The following UNC13C variants were observed in gnomAD, a reference collection of about 807,000 sequenced individuals.
The protein encoded by UNC13C is unc-13 homolog C, also known as protein unc-13 homolog C.
A neutral mutation model predicts 245.4 loss-of-function variants in UNC13C; 174 were observed. The observed-to-expected ratio is 0.71, with a 90% CI of 0.63 to 0.80. The LOEUF (loss-of-function observed/expected upper bound fraction) is 0.80, where lower values mean the gene tolerates loss of function less well. UNC13C is among the 30% of genes least tolerant of loss of function. The pLI is 0.00. For missense variants in UNC13C, 2,829 were observed against 2,602.9 expected (o/e 1.09, Z -1.89); for synonymous variants, 992 against 895.1 (o/e 1.11, Z -1.93).
At chr15:54,568,643 A>G (rs1014437761) in intron 30 of UNC13C, among the ~76,000 whole-genome samples, 20 of 152,190 alleles carry the variant, frequency 1.3e-4, no homozygotes, top group Non-Finnish European at 2.6e-4. Flanking sequence ...AAATGTCAGT[A>G]CGAGTCAAAA....
chr15:53,900,769 G>A, the UNC13C span, among the ~76,000 whole-genome samples: 3 of 152,160 alleles, frequency 2.0e-5, no homozygotes, highest in African/African-American at 7.2e-5. Flanking sequence ...CAACAGATCT[G>A]GGTCCCAAAT....
At chr15:54,568,957 G>A (rs560758418) in intron 30 of UNC13C, among the ~76,000 whole-genome samples, 95 of 152,120 alleles carry the variant, frequency 6.2e-4, no homozygotes, top group African/African-American at 2.0e-3. Flanking sequence ...TATATCCCAG[G>A]TTATACTGTG....
chr15:54,050,814 A>C, intron 2 of UNC13C: 1 of 589,032 alleles, frequency 1.7e-6, no homozygotes, highest in Non-Finnish European at 3.3e-6. Context: ...GCAGTAGTCC[A>C]GCCTACACAG....
chr15:54,094,987 C>T (rs956500827), intron 2 of UNC13C, among the ~76,000 whole-genome samples: 4 of 152,138 alleles, frequency 2.6e-5, no homozygotes, highest in Non-Finnish European at 5.9e-5. Context: ...GTATCCAAAC[C>T]CATTCTGGTG....
Position 54,307,507 on chromosome 15 carries a change from G to A in UNC13C, c.4268+7134G>A, listed in dbSNP as rs192035732. Reference sequence around the variant, plus strand: ...GTTCAGACCACAGCACAAGGCAATGGGGAAATAGCAGTAAAAGATAGCTCT... The same window carrying A: ...GTTCAGACCACAGCACAAGGCAATGAGGAAATAGCAGTAAAAGATAGCTCT... On this transcript the variant is annotated intron_variant, in intron 13 of 32. Coordinates refer to ENST00000260323, the MANE Select transcript of UNC13C (RefSeq NM_001080534.3). 4.8e-4 allele frequency among the ~76,000 whole-genome samples: 73 copies of A among 151,992 alleles called. 1 individual carries two copies. Among genetic ancestry groups the A allele is most frequent in the African/African-American group, 1.7e-3 (70 of 41,484 alleles).
chr15:53,940,447 G>A, the UNC13C span, among the ~76,000 whole-genome samples: 1 of 152,030 alleles, frequency 6.6e-6, no homozygotes, highest in African/African-American at 2.4e-5. Context: ...ATACAACATA[G>A]TATAGGATGT....
At position 54,627,041 on chromosome 15, in the gene UNC13C, G is replaced by T; in HGVS notation, c.6573G>T (p.Arg2191Ser). The change falls in exon 33 of 33, where the codon AGG (arginine) becomes AGT (serine). Residue 2191 changes from arginine to serine, a missense_variant. Arg to Ser is a moderately radical substitution (Grantham distance 110). Coordinates refer to ENST00000260323, the MANE Select transcript of UNC13C (RefSeq NM_001080534.3). ...CTATCCTTAGAATACTCTCTCAGAG[G>T]ACCAGTGATGATGTGGCTAAAGAAT... ...GLTILRILSQRTSDDVAKEFV... is the reference protein window; with the variant it reads ...GLTILRILSQSTSDDVAKEFV... 1 of 1,613,248 alleles carries T rather than the reference G, an allele frequency of 6.2e-7. No individual in the cohort carries two copies.
At chr15:54,177,395 T>A (rs1373858535) in intron 4 of UNC13C, among the ~76,000 whole-genome samples, 4 of 152,134 alleles carry the variant, frequency 2.6e-5, no homozygotes, top group Non-Finnish European at 5.9e-5. Context: ...TAAGGCAATT[T>A]GCATACTCTG....
In UNC13C at chr15:54,296,388, T is replaced by A. The variant is rs547014522; in HGVS notation, c.3989-1423T>A. ...GCTAATTTTTTTTTTTTTTTATTTTTTTTTATTTTTTAGTGGAGACGGGGT... is the reference window on the plus strand; with the variant it reads ...GCTAATTTTTTTTTTTTTTTATTTTATTTTATTTTTTAGTGGAGACGGGGT... On this transcript the variant is annotated intron_variant, in intron 11 of 32. Transcript: ENST00000260323. 1.5e-3 allele frequency among the ~76,000 whole-genome samples: 204 copies of A among 140,054 alleles called. 2 individuals carry two copies. The highest frequency in any genetic ancestry group is 4.4e-3 in the South Asian group (19 of 4,292). 91.9% of individuals were successfully genotyped at this position (140,054 alleles called of 152,430 possible). A position where few individuals can be genotyped will look rare whatever the true frequency, so the allele number is the denominator to read the frequency against.
chr15:53,932,762 A>G, the UNC13C span, among the ~76,000 whole-genome samples: 1 of 152,086 alleles, frequency 6.6e-6, no homozygotes, highest in Non-Finnish European at 1.5e-5. Flanking sequence ...CATTTGTATG[A>G]GCTTTTGATT....
rs187840971 is a variant in UNC13C at position 54,090,837 on chromosome 15, G to A, written c.2984-52181G>A. 2.3e-3 allele frequency among the ~76,000 whole-genome samples: 351 copies of A among 152,232 alleles called. 1 individual carries two copies. Among genetic ancestry groups the A allele is most frequent in the Non-Finnish European group, 3.6e-3 (248 of 67,996 alleles). Reference sequence around the variant, plus strand: ...GACTTTGGCAGGTGCATCAGTTCTGGGAAGCATTAATGTGGCTCTGTCCCT... The same window carrying A: ...GACTTTGGCAGGTGCATCAGTTCTGAGAAGCATTAATGTGGCTCTGTCCCT... On this transcript the variant is annotated intron_variant, in intron 2 of 32. Transcript: ENST00000260323.
chr15:54,604,161 G>A lies in UNC13C; in HGVS notation c.6107-18166G>A, dbSNP rs116314879. ...TCTTCACCCTACAGTGGACTGGTTG[G>A]TTTCTGTTGTCATCCATGTCCTAGC... On this transcript the variant is annotated intron_variant, in intron 30 of 32. Transcript: ENST00000260323. Among the ~76,000 whole-genome samples the A allele has an allele frequency of 7.6e-3, 1,160 of 152,126 alleles. 17 individuals are homozygous for A. Among genetic ancestry groups the A allele is most frequent in the African/African-American group, 0.027 (1,126 of 41,514 alleles).
intron 8 of UNC13C, among the ~76,000 whole-genome samples, chr15:54,259,760 T>C (rs1359708607): frequency 6.6e-6 from 1 of 152,248 alleles, no homozygotes; most frequent in Non-Finnish European, 1.5e-5. Context: ...ATGCTGACTA[T>C]GTAAGTGCAC....
the UNC13C span, among the ~76,000 whole-genome samples, chr15:53,857,900 A>G: frequency 6.6e-6 from 1 of 152,248 alleles, no homozygotes; most frequent in Non-Finnish European, 1.5e-5. Flanking sequence ...TTATTTAACA[A>G]TAATGAATGC....
At chr15:54,460,838 C>G (rs537329431) in intron 19 of UNC13C, among the ~76,000 whole-genome samples, 1 of 152,260 alleles carries the variant, frequency 6.6e-6, no homozygotes, top group African/African-American at 2.4e-5. Flanking sequence ...GGGAGCTGCA[C>G]GTTAGTCCTG....
rs568301865 is a variant in UNC13C, at chr15:54,511,364, C to T, written c.5380-389C>T. ...TAAAATGTTTTTGCATTTAAAAAATCACATGGTATTTTCTTTTCTAAAACA... is the reference window on the plus strand; with the variant it reads ...TAAAATGTTTTTGCATTTAAAAAATTACATGGTATTTTCTTTTCTAAAACA... On this transcript the variant is annotated intron_variant, in intron 23 of 32. Transcript: ENST00000260323. Among the ~76,000 whole-genome samples the T allele has an allele frequency of 2.0e-5, 3 of 148,894 alleles. No individual in the cohort carries two copies. In the South Asian group the frequency reaches 6.4e-4, roughly 32 times the overall value.
intron 22 of UNC13C, 117 bp from the exon 23 acceptor site, chr15:54,507,000 A>G (rs1484351036): frequency 4.9e-6 from 3 of 614,576 alleles, no homozygotes; most frequent in Non-Finnish European, 8.1e-6. Context: ...AGAGGGAGAA[A>G]AAAATGTAGA....
chr15:54,622,402 A>G lies in UNC13C; in HGVS notation c.6182A>G (p.His2061Arg). ...DITATPGTGD[H>R]KVTVKVIAIN... ...ACTGCCACCCCAGGAACGGGAGATC[A>G]TAAAGTCACTGTAAAAGGTATACTT... The change falls in exon 31 of 33, where the codon CAT becomes CGT. Residue 2061 changes from histidine to arginine, a missense_variant. By Grantham distance (29) the His-to-Arg change is conservative. Coordinates refer to ENST00000260323, the MANE Select transcript of UNC13C (RefSeq NM_001080534.3). 2 of 1,612,990 alleles carry G rather than the reference A, an allele frequency of 1.2e-6. No individual in the cohort carries two copies. Among genetic ancestry groups the G allele is most frequent in the Non-Finnish European group, 1.7e-6 (2 of 1,179,162 alleles).
chr15:54,475,627 G>A (rs1162373624), intron 19 of UNC13C, among the ~76,000 whole-genome samples: 2 of 151,012 alleles, frequency 1.3e-5, no homozygotes, highest in African/African-American at 4.9e-5. Context: ...TCCCTACAAA[G>A]GACATGAACT....
Sources: allele counts gnomAD v4.1 joint callset (sites outside exome capture counted in the v4.1 genomes callset), GRCh38; gene constraint gnomAD v4.1.1; transcripts MANE v1.5; gene names NCBI Gene and HGNC (gene_info 2026-07-23, HGNC 2026-07-21).